Variants in CD1B observed in about 807,000 individuals in gnomAD.
CD1B encodes T-cell surface glycoprotein CD1b.
CD1B carries 43 observed loss-of-function variants against 39.8 expected under a neutral mutation model. That is an observed-to-expected ratio of 1.08 (90% CI 0.85 to 1.39). CD1B has a LOEUF of 1.39. Ranked by LOEUF, CD1B falls within the 40% of genes most tolerant of loss-of-function variation. CD1B has a pLI of 0.00. For missense variants in CD1B, 495 were observed against 403.8 expected (o/e 1.23, Z -1.94); for synonymous variants, 192 against 152.5 (o/e 1.26, Z -1.91).
At chr1:158,293,428 G>C in the CD1B span, 27 of 1,612,756 alleles carry the variant, frequency 1.7e-5, no homozygotes, top group African/African-American at 2.4e-4. Context: ...CTTATTCAGG[G>C]TTTCTCCCAT....
chr1:158,314,230 G>C, the CD1B span, among the ~76,000 whole-genome samples: 20 of 152,044 alleles, frequency 1.3e-4, no homozygotes, highest in Non-Finnish European at 1.2e-4. Flanking sequence ...AATTACAGGG[G>C]CCTGCCACCA....
At chr1:158,316,121 C>T in the CD1B span, among the ~76,000 whole-genome samples, 1 of 151,572 alleles carries the variant, frequency 6.6e-6, no homozygotes, top group Non-Finnish European at 1.5e-5. Flanking sequence ...TTTTGGCTTA[C>T]GATTGACTTG....
chr1:158,328,830 C>A (rs1241177452), intron 5 of CD1B, 91 bp downstream of exon 5: 8 of 934,296 alleles, frequency 8.6e-6, no homozygotes, highest in Admixed American at 2.7e-5. Flanking sequence ...TGAGGATAAA[C>A]AATTTTTAAA....
chr1:158,292,859 A>T, the CD1B span: 1 of 1,614,102 alleles, frequency 6.2e-7, no homozygotes, highest in Non-Finnish European at 8.5e-7. Flanking sequence ...AGGCCAGGAC[A>T]TCATCCTCTA....
the CD1B span, among the ~76,000 whole-genome samples, chr1:158,305,478 G>A: frequency 6.6e-6 from 1 of 152,324 alleles, no homozygotes; most frequent in East Asian, 1.9e-4. Flanking sequence ...AAGTGACAGG[G>A]AGAATGGAAC....
chr1:158,293,812 T>C, the CD1B span, among the ~76,000 whole-genome samples: 13 of 152,272 alleles, frequency 8.5e-5, no homozygotes, highest in South Asian at 4.2e-4. Flanking sequence ...TTCACATTTT[T>C]AAGCTTTTAG....
At chr1:158,308,041 A>G in the CD1B span, among the ~76,000 whole-genome samples, 266 of 152,310 alleles carry the variant, frequency 1.7e-3, 2 homozygotes, top group African/African-American at 5.8e-3. Flanking sequence ...GAGGAAGTCA[A>G]ATTGTCCCTG....
the CD1B span, among the ~76,000 whole-genome samples, chr1:158,316,982 C>G: frequency 1.3e-4 from 19 of 151,422 alleles, no homozygotes; most frequent in South Asian, 2.1e-4. Context: ...GTATATTGAA[C>G]CAGCCTTGCA....
chr1:158,327,051 C>T (rs1359164303), downstream of CD1B, among the ~76,000 whole-genome samples: 1 of 152,182 alleles, frequency 6.6e-6, no homozygotes, highest in Non-Finnish European at 1.5e-5. Flanking sequence ...CCTGCCTCGG[C>T]CTCCCAAAGT....
the CD1B span, among the ~76,000 whole-genome samples, chr1:158,301,275 AT>A: frequency 6.6e-6 from 1 of 152,008 alleles, no homozygotes; most frequent in Non-Finnish European, 1.5e-5. Flanking sequence ...TAATTGTCAT[AT>A]TTAGCTCATT....
At chr1:158,325,943 T>A (rs904567851), downstream of CD1B, among the ~76,000 whole-genome samples, 3 of 152,138 alleles carry the variant, frequency 2.0e-5, no homozygotes, top group African/African-American at 7.2e-5. Context: ...AAAACCTGAA[T>A]CTGAGCACAT....
chr1:158,290,168 T>C, the CD1B span: 1 of 1,569,522 alleles, frequency 6.4e-7, no homozygotes, highest in Non-Finnish European at 8.8e-7. Flanking sequence ...TGTATCTGGG[T>C]AGAGTGTGCT....
At chr1:158,320,785 G>C in the CD1B span, among the ~76,000 whole-genome samples, 2 of 152,004 alleles carry the variant, frequency 1.3e-5, no homozygotes, top group African/African-American at 2.4e-5. Flanking sequence ...TTGTTCAGCT[G>C]TATGTTGTCT....
chr1:158,289,889 G>C, the CD1B span: 8 of 576,172 alleles, frequency 1.4e-5, no homozygotes, highest in Non-Finnish European at 2.5e-5. Flanking sequence ...GGGGAAATGA[G>C]AGATTGAGTA....
At chr1:158,322,268 A>G in the CD1B span, among the ~76,000 whole-genome samples, 1 of 152,030 alleles carries the variant, frequency 6.6e-6, no homozygotes, top group Non-Finnish European at 1.5e-5. Flanking sequence ...GCAGGGTCTT[A>G]CTCTATCACC....
chr1:158,310,525 A>T, the CD1B span, among the ~76,000 whole-genome samples: 2 of 152,202 alleles, frequency 1.3e-5, no homozygotes, highest in African/African-American at 4.8e-5. Context: ...CAGAATAAAC[A>T]GACAACTTAC....
At chr1:158,314,685 T>G in the CD1B span, among the ~76,000 whole-genome samples, 1 of 152,156 alleles carries the variant, frequency 6.6e-6, no homozygotes, top group East Asian at 1.9e-4. Flanking sequence ...ACTTTAAGTT[T>G]TAGGGTAATG....
At position 158,331,365 on chromosome 1, in the gene CD1B, T is replaced by C. The variant is rs1263692151; in HGVS notation, c.59A>G (p.His20Arg). ...GGAGCTGCCAGAGTGACTCTTACCA[T>C]GTTCACTGTTACCACCAGGAAAGAG... ...AVLFPGGNSE[H>R]AFQGPTSFHV... Residue 20 changes from histidine to arginine, a missense_variant and splice_region_variant, in exon 1 of 6, where the codon CAT becomes CGT. By Grantham distance (29) the His-to-Arg change is conservative. Coordinates refer to ENST00000368168, the MANE Select transcript of CD1B (RefSeq NM_001764.3). 1.9e-6 allele frequency: 3 copies of C among 1,613,174 alleles called. No homozygotes were observed. Among genetic ancestry groups the C allele is most frequent in the Non-Finnish European group, 2.5e-6 (3 of 1,179,284 alleles).
At chr1:158,308,728 G>A in the CD1B span, among the ~76,000 whole-genome samples, 1 of 152,128 alleles carries the variant, frequency 6.6e-6, no homozygotes, top group Non-Finnish European at 1.5e-5. Flanking sequence ...CCAGCAATGG[G>A]GAAAGGATTC....
Sources: gnomAD v4.1 joint callset for allele counts (sites outside exome capture counted in the v4.1 genomes callset) on GRCh38, gnomAD v4.1.1 for gene constraint, MANE v1.5 for transcripts, NCBI Gene and HGNC (gene_info 2026-07-23, HGNC 2026-07-21) for gene names.